Variants in ESR1 observed in about 807,000 individuals in gnomAD.
ESR1 encodes the protein estrogen receptor.
A neutral mutation model predicts 52.7 loss-of-function variants in ESR1; 12 were observed. The observed-to-expected ratio is 0.23, with a 90% CI of 0.15 to 0.37. ESR1 has a LOEUF of 0.37. ESR1 is among the 10% of genes least tolerant of loss of function. The pLI, the probability that ESR1 is intolerant of heterozygous loss-of-function variation, is 1.00. For synonymous variants in ESR1, 305 were observed against 316.8 expected (o/e 0.96, Z 0.39); for missense variants, 584 against 779.7 (o/e 0.75, Z 2.99).
At chr6:152,015,855 G>C (rs967760913) in intron 5 of ESR1, among the ~76,000 whole-genome samples, 5 of 152,040 alleles carry the variant, frequency 3.3e-5, no homozygotes, top group Non-Finnish European at 5.9e-5. Flanking sequence ...ATTTCAAATG[G>C]GGAAAAGCAA....
chr6:151,832,482 G>T (rs1393992678), intron 1 of ESR1, among the ~76,000 whole-genome samples: 1 of 152,166 alleles, frequency 6.6e-6, no homozygotes, highest in East Asian at 1.9e-4. Context: ...GACACAAACT[G>T]CCTCCAACTT....
At chr6:151,729,097 A>G (rs945746453) in intron 2 of ESR1, among the ~76,000 whole-genome samples, 1 of 152,158 alleles carries the variant, frequency 6.6e-6, no homozygotes, top group Non-Finnish European at 1.5e-5. Flanking sequence ...CTAACTCTCA[A>G]GATGATGGTA....
intron 7 of ESR1, among the ~76,000 whole-genome samples, chr6:152,097,328 C>T (rs954667414): frequency 4.6e-5 from 7 of 151,672 alleles, no homozygotes; most frequent in Non-Finnish European, 7.4e-5. Context: ...TGACTGTAAA[C>T]GTGAATCATC....
intron 6 of ESR1, among the ~76,000 whole-genome samples, chr6:152,076,198 G>T (rs914980568): frequency 6.6e-5 from 10 of 152,134 alleles, no homozygotes; most frequent in Non-Finnish European, 1.5e-4. Context: ...TGAATCATAG[G>T]AGTGGTTTCC....
intron 3 of ESR1, among the ~76,000 whole-genome samples, chr6:151,883,405 G>A (rs945899593): frequency 2.5e-4 from 38 of 152,034 alleles, no homozygotes; most frequent in African/African-American, 9.2e-4. Flanking sequence ...TGGGATTATA[G>A]GCGTGAGCCA....
upstream of ESR1, among the ~76,000 whole-genome samples, chr6:151,806,157 G>A (rs1396142652): frequency 2.0e-5 from 3 of 152,114 alleles, no homozygotes; most frequent in Admixed American, 6.5e-5. Context: ...AAATATCTGC[G>A]ATGCACCTAA....
intron 1 of ESR1, among the ~76,000 whole-genome samples, chr6:151,829,683 G>A (rs952573064): frequency 6.6e-6 from 1 of 152,218 alleles, no homozygotes; most frequent in African/African-American, 2.4e-5. Context: ...GTTGGTCGGA[G>A]GCAAGGGATA....
chr6:151,901,631 C>T (rs571769686), intron 3 of ESR1, among the ~76,000 whole-genome samples: 1 of 152,360 alleles, frequency 6.6e-6, no homozygotes, highest in South Asian at 2.1e-4. Context: ...TTTCTCTACC[C>T]TTTATTTCAC....
intron 5 of ESR1, among the ~76,000 whole-genome samples, chr6:152,036,233 G>T (rs1258868418): frequency 6.6e-6 from 1 of 152,122 alleles, no homozygotes; most frequent in Non-Finnish European, 1.5e-5. Flanking sequence ...GGTGGCGGGT[G>T]CCTGTAGTCC....
At chr6:151,811,719 C>T (rs961283690) in intron 1 of ESR1, among the ~76,000 whole-genome samples, 1 of 152,172 alleles carries the variant, frequency 6.6e-6, no homozygotes, top group Admixed American at 6.5e-5. Context: ...CCCTTCCTTT[C>T]TGATCTTACT....
chr6:152,083,006 A>G (rs1338954699), intron 6 of ESR1, among the ~76,000 whole-genome samples: 2 of 152,250 alleles, frequency 1.3e-5, no homozygotes, highest in African/African-American at 4.8e-5. Flanking sequence ...CGTGGATAGG[A>G]ATAATCAATA....
intron 3 of ESR1, among the ~76,000 whole-genome samples, chr6:151,887,751 C>A (rs975097321): frequency 7.2e-5 from 11 of 152,086 alleles, no homozygotes; most frequent in African/African-American, 2.7e-4. Context: ...GTGTAGGCAG[C>A]ACAACAATCC....
intron 2 of ESR1, among the ~76,000 whole-genome samples, chr6:151,751,259 C>T (rs530867846): frequency 5.9e-4 from 90 of 152,256 alleles, no homozygotes; most frequent in African/African-American, 2.1e-3. Context: ...GGAGGAAACA[C>T]ATGCTCATTT....
intron 4 of ESR1, among the ~76,000 whole-genome samples, chr6:152,006,803 A>C (rs1215989083): frequency 6.6e-6 from 1 of 152,092 alleles, no homozygotes; most frequent in Non-Finnish European, 1.5e-5. Flanking sequence ...TATGACTGAG[A>C]AAATGATTAT....
exon 7 of ESR1, chr6:152,127,700 G>C (rs1375262994): frequency 1.3e-5 from 2 of 152,156 alleles, no homozygotes. Context: ...CTGCCTTAGA[G>C]GGGAGAGGCT....
At chr6:152,047,283 G>A (rs1184701560) in intron 5 of ESR1, among the ~76,000 whole-genome samples, 1 of 151,964 alleles carries the variant, frequency 6.6e-6, no homozygotes, top group East Asian at 1.9e-4. Context: ...TTAGGACCTA[G>A]TAAGAACCTG....
intron 1 of ESR1, among the ~76,000 whole-genome samples, chr6:151,657,652 A>AT (rs1263707638): frequency 6.6e-6 from 1 of 152,082 alleles, no homozygotes; most frequent in African/African-American, 2.4e-5. Context: ...AATATTATGC[A>AT]TTTTTTCCTG....
chr6:151,716,249 T>A (rs897417170), intron 2 of ESR1, among the ~76,000 whole-genome samples: 7 of 152,136 alleles, frequency 4.6e-5, no homozygotes, highest in African/African-American at 1.7e-4. Flanking sequence ...AGAGCTCTCC[T>A]GTATGAGGTG....
At chr6:151,717,632 T>C (rs1303490741) in intron 2 of ESR1, among the ~76,000 whole-genome samples, 2 of 152,188 alleles carry the variant, frequency 1.3e-5, no homozygotes, top group African/African-American at 4.8e-5. Flanking sequence ...AAGGAAAAAA[T>C]GTCTTAAACC....
Sources: gnomAD v4.1 joint callset for allele counts (sites outside exome capture counted in the v4.1 genomes callset) on GRCh38, gnomAD v4.1.1 for gene constraint, MANE v1.5 for transcripts, NCBI Gene and HGNC (gene_info 2026-07-23, HGNC 2026-07-21) for gene names.